Variants in RANBP2 observed in about 807,000 individuals in gnomAD.
The protein encoded by RANBP2 is E3 SUMO-protein ligase RanBP2.
A neutral mutation model predicts 303.6 loss-of-function variants in RANBP2; 57 were observed. The ratio of observed to expected loss-of-function variants is 0.19; its 90% confidence interval spans 0.15 to 0.23. RANBP2 has a LOEUF of 0.23. Ranked by LOEUF, RANBP2 falls within the 10% of genes least tolerant of loss-of-function variation. The pLI, the probability that RANBP2 is intolerant of heterozygous loss-of-function variation, is 1.00. For synonymous variants in RANBP2, 1,167 were observed against 1,301.5 expected (o/e 0.90, Z 2.23); for missense variants, 3,138 against 3,780.8 (o/e 0.83, Z 4.46).
chr2:108,747,672 A>T (rs1012576188), intron 8 of RANBP2, among the ~76,000 whole-genome samples: 9 of 152,056 alleles, frequency 5.9e-5, no homozygotes, highest in East Asian at 1.9e-4. Context: ...TATTTTTTTT[A>T]ATGTCTTTGA....
At chr2:109,165,361 G>C in the RANBP2 span, among the ~76,000 whole-genome samples, 1 of 152,284 alleles carries the variant, frequency 6.6e-6, no homozygotes, top group African/African-American at 2.4e-5. Flanking sequence ...AGGAGATGTT[G>C]GCGGATGCTG....
the RANBP2 span, among the ~76,000 whole-genome samples, chr2:108,872,380 T>C: frequency 6.6e-6 from 1 of 152,192 alleles, no homozygotes; most frequent in Non-Finnish European, 1.5e-5. Context: ...GTTTAGACCA[T>C]GCTTTTGTTG....
chr2:109,193,077 T>A, the RANBP2 span, among the ~76,000 whole-genome samples: 1 of 152,150 alleles, frequency 6.6e-6, no homozygotes, highest in Non-Finnish European at 1.5e-5. Context: ...GGTTCAAAGG[T>A]GAGTAAATAG....
At chr2:109,043,095 T>C in the RANBP2 span, among the ~76,000 whole-genome samples, 1 of 152,130 alleles carries the variant, frequency 6.6e-6, no homozygotes, top group Non-Finnish European at 1.5e-5. Context: ...GAACGGCCAC[T>C]ACAAAAGTAA....
chr2:109,102,569 A>G, the RANBP2 span, among the ~76,000 whole-genome samples: 8 of 152,212 alleles, frequency 5.3e-5, no homozygotes, highest in Non-Finnish European at 7.3e-5. Flanking sequence ...CGAGAATAGC[A>G]CTTAGATATT....
the RANBP2 span, among the ~76,000 whole-genome samples, chr2:109,624,099 G>T: frequency 6.6e-6 from 1 of 152,208 alleles, no homozygotes; most frequent in Admixed American, 6.5e-5. Flanking sequence ...AGGGAGCATG[G>T]AGGGTGGCCT....
intron 18 of RANBP2, among the ~76,000 whole-genome samples, chr2:108,761,500 C>A (rs1186058573): frequency 6.6e-6 from 1 of 152,112 alleles, no homozygotes; most frequent in Non-Finnish European, 1.5e-5. Context: ...CATTTTGTTT[C>A]CTGGTAAAAC....
chr2:109,157,086 C>T, the RANBP2 span, among the ~76,000 whole-genome samples: 1 of 152,282 alleles, frequency 6.6e-6, no homozygotes, highest in Non-Finnish European at 1.5e-5. Flanking sequence ...ACACAGGTGG[C>T]TCCAGGCTCA....
At chr2:108,809,448 TTGTGTGTGTGTGTGTG>T in the RANBP2 span, among the ~76,000 whole-genome samples, 5 of 141,222 alleles carry the variant, frequency 3.5e-5, no homozygotes, top group East Asian at 8.2e-4. Context: ...ACATGAAATG[TTGTGTGTGTGTGTGTG>T]TGTGTGTGTG....
the RANBP2 span, among the ~76,000 whole-genome samples, chr2:109,639,395 CAGATCAAG>C: frequency 6.6e-6 from 1 of 152,000 alleles, no homozygotes; most frequent in Non-Finnish European, 1.5e-5. Flanking sequence ...CCAAGGTGGG[CAGATCAAG>C]AGATCAAGAG....
chr2:109,263,323 G>C, the RANBP2 span, among the ~76,000 whole-genome samples: 2 of 152,124 alleles, frequency 1.3e-5, no homozygotes, highest in Non-Finnish European at 2.9e-5. Context: ...CTATAAGGTG[G>C]GTAGATCAAC....
At chr2:109,493,532 A>C in the RANBP2 span, among the ~76,000 whole-genome samples, 2 of 150,524 alleles carry the variant, frequency 1.3e-5, no homozygotes, top group East Asian at 3.9e-4. Context: ...TTGCATACCC[A>C]CACCCTTCAC....
chr2:109,674,530 C>T, the RANBP2 span, among the ~76,000 whole-genome samples: 1 of 151,602 alleles, frequency 6.6e-6, no homozygotes, highest in Non-Finnish European at 1.5e-5. Flanking sequence ...CTGTAGTGAG[C>T]TATGATTGCA....
the RANBP2 span, among the ~76,000 whole-genome samples, chr2:108,983,678 G>A: frequency 2.6e-5 from 4 of 152,176 alleles, no homozygotes; most frequent in Non-Finnish European, 5.9e-5. Context: ...TTCCAGATAC[G>A]AGGAAGGAAA....
chr2:108,897,024 C>T, the RANBP2 span: 21 of 1,613,956 alleles, frequency 1.3e-5, no homozygotes, highest in Non-Finnish European at 1.8e-5. Context: ...TTGTGAGTAG[C>T]TCAGGGATGC....
the RANBP2 span, among the ~76,000 whole-genome samples, chr2:109,584,570 T>C: frequency 6.6e-6 from 1 of 152,098 alleles, no homozygotes. Context: ...CTTTCATAGT[T>C]TAAATTTGAT....
the RANBP2 span, among the ~76,000 whole-genome samples, chr2:109,040,221 CCACCTTATTCTA>C: frequency 6.6e-6 from 1 of 152,044 alleles, no homozygotes; most frequent in African/African-American, 2.4e-5. Flanking sequence ...GCATTCTTGC[CCACCTTATTCTA>C]CATCTTTTTC....
Position 108,755,265 on chromosome 2 carries a change from T to G in RANBP2, c.2466+6T>G, listed in dbSNP as rs1290589753. 1 of 1,611,748 alleles carries G rather than the reference T, an allele frequency of 6.2e-7. No individual in the cohort carries two copies. Among genetic ancestry groups the G allele is most frequent in the African/African-American group, 1.3e-5 (1 of 74,814 alleles). On this transcript the variant is annotated splice_donor_region_variant and intron_variant, in intron 17 of 28. Coordinates refer to ENST00000283195, the MANE Select transcript of RANBP2 (RefSeq NM_006267.5). ...AACAAGTAGAGGCCATTAAGGTAAGTCACTTAATTTCTCTAGCTGTACTTT... is the reference window on the plus strand; with the variant it reads ...AACAAGTAGAGGCCATTAAGGTAAGGCACTTAATTTCTCTAGCTGTACTTT...
chr2:109,053,262 G>A, the RANBP2 span, among the ~76,000 whole-genome samples: 1 of 152,228 alleles, frequency 6.6e-6, no homozygotes, highest in East Asian at 1.9e-4. Flanking sequence ...GTGAGAGGGC[G>A]AAACACTCGG....
Sources: gnomAD v4.1 joint callset for allele counts (sites outside exome capture counted in the v4.1 genomes callset) on GRCh38, gnomAD v4.1.1 for gene constraint, MANE v1.5 for transcripts, NCBI Gene and HGNC (gene_info 2026-07-23, HGNC 2026-07-21) for gene names.